The following OR6N1 variants were observed in gnomAD, a reference collection of about 807,000 sequenced individuals.
OR6N1 encodes olfactory receptor 6N1.
For missense variants in OR6N1, 394 were observed against 371.7 expected (o/e 1.06, Z -0.49); for synonymous variants, 170 against 150.7 (o/e 1.13, Z -0.94).
the OR6N1 span, among the ~76,000 whole-genome samples, chr1:158,795,137 A>G: frequency 9.1e-3 from 1,382 of 152,268 alleles, 7 homozygotes; most frequent in Middle Eastern, 0.014. Context: ...GGAAGAGTGT[A>G]GCTTCCTCTG....
intron 1 of OR6N1, among the ~76,000 whole-genome samples, chr1:158,768,629 A>G (rs1300146687): frequency 6.6e-6 from 1 of 152,168 alleles, no homozygotes; most frequent in African/African-American, 2.4e-5. Flanking sequence ...CTGCGTTTCC[A>G]TCGATCAAAT....
At chr1:158,838,796 C>T in the OR6N1 span, among the ~76,000 whole-genome samples, 1 of 152,104 alleles carries the variant, frequency 6.6e-6, no homozygotes, top group East Asian at 1.9e-4. Context: ...GTTCTTCAGC[C>T]TTGATAATTA....
the OR6N1 span, among the ~76,000 whole-genome samples, chr1:158,803,885 A>T: frequency 6.6e-6 from 1 of 152,208 alleles, no homozygotes; most frequent in Non-Finnish European, 1.5e-5. Flanking sequence ...CTTACTTGGC[A>T]TTTATTCTGT....
intron 1 of OR6N1, among the ~76,000 whole-genome samples, chr1:158,770,282 A>T (rs1657392039): frequency 6.6e-6 from 1 of 151,874 alleles, no homozygotes; most frequent in South Asian, 2.1e-4. Context: ...GCTGTTGTTC[A>T]CTCCCTCCAT....
the OR6N1 span, among the ~76,000 whole-genome samples, chr1:158,810,536 A>C: frequency 1.6e-4 from 24 of 152,284 alleles, no homozygotes; most frequent in African/African-American, 5.3e-4. Context: ...CTATGTCTCA[A>C]ATGACTTTTC....
Position 158,766,888 on chromosome 1 carries a change from G to A in OR6N1, c.-18-188C>T, listed in dbSNP as rs1341553147. Among the ~76,000 whole-genome samples the A allele has an allele frequency of 1.3e-5, 2 of 152,028 alleles. 1 individual carries two copies. The highest frequency in any genetic ancestry group is 3.9e-4 in the East Asian group (2 of 5,188). On this transcript the variant is annotated intron_variant, in intron 1 of 1. Transcript: ENST00000641846. The stretch of plus-strand genomic sequence containing the variant: ...CCCTTCCTGTCAACAGCCTCCTTCA[G>A]ACTATTCACCTTTATGTTTAGTCTT...
intron 1 of OR6N1, among the ~76,000 whole-genome samples, chr1:158,766,970 C>G (rs1410085128): frequency 6.6e-6 from 1 of 152,090 alleles, no homozygotes; most frequent in Non-Finnish European, 1.5e-5. Flanking sequence ...ACCCAGTTGA[C>G]TTTCTCAATA....
the OR6N1 span, among the ~76,000 whole-genome samples, chr1:158,826,058 C>G: frequency 6.6e-6 from 1 of 151,674 alleles, no homozygotes; most frequent in African/African-American, 2.4e-5. Flanking sequence ...TAAGTGGGAG[C>G]CAAACAATGA....
the OR6N1 span, chr1:158,777,562 C>T: frequency 6.2e-7 from 1 of 1,614,056 alleles, no homozygotes; most frequent in Non-Finnish European, 8.5e-7. Flanking sequence ...AAAAAGCCAG[C>T]CCCTGACATA....
At chr1:158,775,028 T>C (rs1263026004), upstream of OR6N1, 1 of 152,236 alleles carries the variant, frequency 6.6e-6, no homozygotes, top group East Asian at 1.9e-4. Context: ...GCTGTGTTAG[T>C]TTCTGGACAC....
the OR6N1 span, among the ~76,000 whole-genome samples, chr1:158,817,620 G>T: frequency 4.6e-5 from 7 of 152,292 alleles, no homozygotes; most frequent in African/African-American, 1.7e-4. Flanking sequence ...TGCTAGTGCT[G>T]TACAGCAATT....
At chr1:158,830,189 A>G in the OR6N1 span, among the ~76,000 whole-genome samples, 1 of 152,170 alleles carries the variant, frequency 6.6e-6, no homozygotes, top group South Asian at 2.1e-4. Context: ...GGCACCTGAT[A>G]AGGTTTCCTT....
chr1:158,767,167 A>T lies in OR6N1; in HGVS notation c.-18-467T>A, dbSNP rs857829. The stretch of plus-strand genomic sequence containing the variant: ...CTCATTTTAATTTGTTTTCTTCTTC[A>T]ACTTTCTGGCTACCAAAGAATCAAT... On this transcript the variant is annotated intron_variant, in intron 1 of 1. Transcript: ENST00000641846. Among the ~76,000 whole-genome samples, 1,087 of 152,172 alleles carry T rather than the reference A, an allele frequency of 7.1e-3. 7 individuals are homozygous for T. The highest frequency in any genetic ancestry group is 0.01 in the Middle Eastern group (3 of 294).
the OR6N1 span, among the ~76,000 whole-genome samples, chr1:158,782,238 C>T: frequency 2.0e-5 from 3 of 152,148 alleles, no homozygotes; most frequent in East Asian, 1.9e-4. Flanking sequence ...CAAACATTAA[C>T]TATAATAGTT....
At chr1:158,769,412 C>T (rs1123130) in intron 1 of OR6N1, among the ~76,000 whole-genome samples, 60,864 of 152,018 alleles carry the variant, frequency 0.4, 12,815 homozygotes, top group East Asian at 0.55. Flanking sequence ...GATCCACCTG[C>T]TTTGGCCTCT....
chr1:158,825,301 T>C, the OR6N1 span, among the ~76,000 whole-genome samples: 1 of 151,742 alleles, frequency 6.6e-6, no homozygotes, highest in African/African-American at 2.4e-5. Context: ...TAGCCAGGCA[T>C]GGTGGTGGGC....
At chr1:158,784,321 G>C in the OR6N1 span, among the ~76,000 whole-genome samples, 12 of 151,896 alleles carry the variant, frequency 7.9e-5, no homozygotes, top group African/African-American at 2.9e-4. Context: ...ATATTTATAG[G>C]GTAGAGTGCG....
At chr1:158,804,766 A>T in the OR6N1 span, among the ~76,000 whole-genome samples, 1 of 152,322 alleles carries the variant, frequency 6.6e-6, no homozygotes, top group Non-Finnish European at 1.5e-5. Context: ...AACTAACATA[A>T]TGTGAGAAAT....
At chr1:158,823,280 A>G in the OR6N1 span, among the ~76,000 whole-genome samples, 18 of 152,158 alleles carry the variant, frequency 1.2e-4, no homozygotes, top group Non-Finnish European at 2.1e-4. Flanking sequence ...TTTCAATAGA[A>G]ATGGTACCAA....
Sources: allele counts gnomAD v4.1 joint callset (sites outside exome capture counted in the v4.1 genomes callset), GRCh38; gene constraint gnomAD v4.1.1; transcripts MANE v1.5; gene names NCBI Gene and HGNC (gene_info 2026-07-23, HGNC 2026-07-21).